CEP128: variants seen among roughly 807,000 people sequenced by gnomAD.
CEP128 encodes centrosomal protein 128.
In CEP128, 132 loss-of-function variants were observed where a neutral mutation model predicts 156.7. The observed-to-expected ratio is 0.84, with a 90% CI of 0.73 to 0.97. The LOEUF (loss-of-function observed/expected upper bound fraction) is 0.97, where lower values mean the gene tolerates loss of function less well. Ranked by LOEUF, CEP128 falls within the 50% of genes least tolerant of loss-of-function variation. The pLI is 0.00. For synonymous variants in CEP128, 469 were observed against 448.9 expected (o/e 1.04, Z -0.57); for missense variants, 1,252 against 1,281.9 (o/e 0.98, Z 0.36).
At chr14:80,658,610 A>T (rs1203388368) in intron 19 of CEP128, among the ~76,000 whole-genome samples, 1 of 152,226 alleles carries the variant, frequency 6.6e-6, no homozygotes, top group Non-Finnish European at 1.5e-5. Context: ...TGAGATGCCA[A>T]GGCTCAAATA....
chr14:80,785,908 C>T (rs906560805), intron 14 of CEP128, among the ~76,000 whole-genome samples: 1 of 152,226 alleles, frequency 6.6e-6, no homozygotes, highest in East Asian at 1.9e-4. Flanking sequence ...AAATAATACA[C>T]TATTACCTAA....
intron 8 of CEP128, among the ~76,000 whole-genome samples, chr14:80,885,126 T>G (rs1888734312): frequency 6.6e-6 from 1 of 152,154 alleles, no homozygotes. Context: ...GCAGCCCCAG[T>G]CAGCGGCTTA....
chr14:80,837,665 A>C (rs959013044), intron 11 of CEP128, among the ~76,000 whole-genome samples: 13 of 152,336 alleles, frequency 8.5e-5, no homozygotes, highest in Admixed American at 3.9e-4. Context: ...GTGGTGAGCC[A>C]AGATTGCGCC....
rs143068662 is a variant in CEP128, at chr14:80,818,257, G to A, written c.1209+12886C>T. ...TGGTCTTGAACTCCTGGACTCAAGC[G>A]ATCCTCCCACCTCCACCTCCCAAAG... On this transcript the variant is annotated intron_variant, in intron 13 of 24. Coordinates refer to ENST00000555265, the MANE Select transcript of CEP128 (RefSeq NM_152446.5). 3.3e-3 allele frequency among the ~76,000 whole-genome samples: 508 copies of A among 152,190 alleles called. 1 individual carries two copies. The highest frequency in any genetic ancestry group is 0.012 in the African/African-American group (484 of 41,500).
At chr14:80,561,874 C>T (rs1157801172) in intron 20 of CEP128, among the ~76,000 whole-genome samples, 1 of 142,848 alleles carries the variant, frequency 7.0e-6, no homozygotes, top group Admixed American at 7.0e-5. Context: ...AAGACAACTC[C>T]ATTTTGTTGA....
At chr14:80,734,608 G>A (rs1018859226) in intron 19 of CEP128, among the ~76,000 whole-genome samples, 1 of 152,006 alleles carries the variant, frequency 6.6e-6, no homozygotes, top group African/African-American at 2.4e-5. Context: ...CCAGCACTTT[G>A]GGAGGCCGAG....
intron 20 of CEP128, among the ~76,000 whole-genome samples, chr14:80,565,601 A>G (rs771586375): frequency 2.0e-5 from 3 of 152,230 alleles, no homozygotes; most frequent in Non-Finnish European, 4.4e-5. Flanking sequence ...AGCTGTACAT[A>G]TTCATTTGCT....
chr14:80,580,574 C>T (rs547164717), intron 19 of CEP128, 151 bp from the exon 20 acceptor site: 6 of 564,220 alleles, frequency 1.1e-5, no homozygotes, highest in African/African-American at 5.6e-5. Context: ...AAAAGAAACA[C>T]GCTCTGATCC....
Position 80,785,062 on chromosome 14 carries a change from T to G in CEP128, c.2044A>C (p.Ile682Leu), listed in dbSNP as rs144670267. The change falls in exon 15 of 25, where the codon ATC becomes CTC. Residue 682 changes from isoleucine (I) to leucine (L), a missense_variant. Ile to Leu is a conservative substitution (Grantham distance 5). Coordinates refer to ENST00000555265, the MANE Select transcript of CEP128 (RefSeq NM_152446.5). ...CGTTCCAGCTTTAACTGTGTGATGA[T>G]TGTAGCTGTTTCTTCATCCCTGGAT... Reference protein sequence around the residue: ...AKSRDEETATIITQLKLERDV... With the variant: ...AKSRDEETATLITQLKLERDV... The G allele has an allele frequency of 4.5e-4, 727 of 1,614,228 alleles. 1 individual carries two copies. Among genetic ancestry groups the G allele is most frequent in the Non-Finnish European group, 5.4e-4 (635 of 1,180,018 alleles).
chr14:80,513,011 G>A (rs541471111), intron 23 of CEP128, among the ~76,000 whole-genome samples: 2 of 152,184 alleles, frequency 1.3e-5, no homozygotes, highest in Admixed American at 1.3e-4. Flanking sequence ...TTTATACACT[G>A]TAATTGCAGT....
chr14:80,632,155 T>C (rs1263597733), intron 19 of CEP128, among the ~76,000 whole-genome samples: 2 of 152,082 alleles, frequency 1.3e-5, no homozygotes, highest in East Asian at 1.9e-4. Flanking sequence ...AGTCACAAGA[T>C]AGCTAAATAC....
chr14:80,580,369 T>C lies in CEP128; in HGVS notation c.2856+5A>G, dbSNP rs1891534212. The C allele has an allele frequency of 6.3e-7, 1 of 1,588,548 alleles. No individual in the cohort carries two copies. Among genetic ancestry groups the C allele is most frequent in the Non-Finnish European group, 8.6e-7 (1 of 1,160,060 alleles). On this transcript the variant is annotated splice_donor_5th_base_variant and intron_variant, in intron 20 of 24. Coordinates refer to ENST00000555265, the MANE Select transcript of CEP128 (RefSeq NM_152446.5). ...CAAGCATGCTTGCCCTATTTAAGAATTTACCTGCAGAGATCCCATTTCTTC... is the reference window on the plus strand; with the variant it reads ...CAAGCATGCTTGCCCTATTTAAGAACTTACCTGCAGAGATCCCATTTCTTC...
intron 19 of CEP128, among the ~76,000 whole-genome samples, chr14:80,681,050 T>C (rs1003077486): frequency 6.6e-6 from 1 of 152,076 alleles, no homozygotes; most frequent in Non-Finnish European, 1.5e-5. Flanking sequence ...TATAGTCGGC[T>C]CTTGCTCATA....
chr14:80,552,378 T>C (rs191422208), intron 21 of CEP128, among the ~76,000 whole-genome samples: 58 of 152,210 alleles, frequency 3.8e-4, no homozygotes, highest in Non-Finnish European at 7.5e-4. Context: ...AAACTATTTG[T>C]GCCTGACTAC....
chr14:80,626,172 G>A (rs1893709136), intron 19 of CEP128, among the ~76,000 whole-genome samples: 1 of 152,166 alleles, frequency 6.6e-6, no homozygotes, highest in African/African-American at 2.4e-5. Flanking sequence ...TCCTTATTAA[G>A]AGTGAGACAG....
At chr14:80,935,646 CAAAAAAAAAAAA>C (rs375122664) in intron 2 of CEP128, among the ~76,000 whole-genome samples, 1 of 51,608 alleles carries the variant, frequency 1.9e-5, no homozygotes, top group South Asian at 9.1e-4. Context: ...GTCCCCCCAC[CAAAAAAAAAAAA>C]AAAAAAAAAA....
downstream of CEP128, among the ~76,000 whole-genome samples, chr14:80,486,922 T>A (rs1887178811): frequency 6.6e-6 from 1 of 151,928 alleles, no homozygotes; most frequent in African/African-American, 2.4e-5. Flanking sequence ...TGCAAACACA[T>A]GCAAAAATGT....
chr14:80,608,579 C>T (rs191379588), intron 19 of CEP128, among the ~76,000 whole-genome samples: 10 of 152,288 alleles, frequency 6.6e-5, no homozygotes, highest in Admixed American at 6.5e-4. Context: ...ATTTTCCAGT[C>T]TCACCTTTCA....
At chr14:80,700,700 T>C (rs1282230510) in intron 19 of CEP128, among the ~76,000 whole-genome samples, 4 of 152,178 alleles carry the variant, frequency 2.6e-5, no homozygotes, top group African/African-American at 7.2e-5. Context: ...GGGTTAGCAA[T>C]ATAGGATTCT....
Sources: gnomAD v4.1 joint callset for allele counts (sites outside exome capture counted in the v4.1 genomes callset) on GRCh38, gnomAD v4.1.1 for gene constraint, MANE v1.5 for transcripts, NCBI Gene and HGNC (gene_info 2026-07-23, HGNC 2026-07-21) for gene names.